DNAJC12: variants seen among roughly 807,000 people sequenced by gnomAD.
DNAJC12 encodes dnaJ homolog subfamily C member 12.
Under a neutral mutation model 28.5 loss-of-function variants are expected in DNAJC12, and 25 were observed. The observed-to-expected ratio is 0.88, with a 90% CI of 0.64 to 1.22. DNAJC12 has a LOEUF of 1.22. Ranked by LOEUF, DNAJC12 falls within the 50% of genes most tolerant of loss-of-function variation. The pLI is 0.00. For synonymous variants in DNAJC12, 77 were observed against 80.6 expected, an observed-to-expected ratio of 0.95 and a Z score of 0.24; for missense variants, 222 against 231.7, an observed-to-expected ratio of 0.96 and a Z score of 0.27.
chr10:67,837,422 CA>C (rs1412247106), intron 1 of DNAJC12, among the ~76,000 whole-genome samples: 2 of 152,106 alleles, frequency 1.3e-5, no homozygotes, highest in Admixed American at 1.3e-4. Context: ...GCCACCCTTT[CA>C]AGAAGTAATT....
chr10:67,826,477 T>C (rs1337052134), intron 1 of DNAJC12, among the ~76,000 whole-genome samples: 1 of 145,812 alleles, frequency 6.9e-6, no homozygotes, highest in Non-Finnish European at 1.5e-5. Context: ...CATATATATA[T>C]ATATAAGATG....
intron 2 of DNAJC12, among the ~76,000 whole-genome samples, chr10:67,812,561 A>G (rs1028739341): frequency 1.3e-5 from 2 of 152,102 alleles, no homozygotes; most frequent in African/African-American, 4.8e-5. Context: ...ATTTATATAC[A>G]GGCCGGGTGC....
At chr10:67,823,233 G>A in intron 2 of DNAJC12, 81 bp downstream of exon 2, 1 of 1,177,416 alleles carries the variant, frequency 8.5e-7, no homozygotes, top group African/African-American at 1.5e-5. Context: ...AGAAAATTGA[G>A]AAAATTAAGT....
chr10:67,804,287 C>T (rs539563090), intron 4 of DNAJC12, among the ~76,000 whole-genome samples: 11 of 152,250 alleles, frequency 7.2e-5, no homozygotes, highest in Non-Finnish European at 1.5e-4. Flanking sequence ...AGAGGTGAAC[C>T]GCTGTGCTAA....
chr10:67,820,757 G>C (rs1470743761), intron 2 of DNAJC12, among the ~76,000 whole-genome samples: 1 of 148,278 alleles, frequency 6.7e-6, no homozygotes, highest in African/African-American at 2.5e-5. Flanking sequence ...CAAGGGACAA[G>C]GAAAACATTT....
chr10:67,801,867 TTTTTG>T (rs1841749523), intron 4 of DNAJC12, among the ~76,000 whole-genome samples: 1 of 129,338 alleles, frequency 7.7e-6, no homozygotes, highest in African/African-American at 3.1e-5. Context: ...TTTTTTTTTT[TTTTTG>T]ACACGGAGAC....
chr10:67,830,107 A>G (rs1242995992), intron 1 of DNAJC12, among the ~76,000 whole-genome samples: 2 of 151,924 alleles, frequency 1.3e-5, no homozygotes, highest in Non-Finnish European at 2.9e-5. Context: ...TGAGGTCAGG[A>G]GTTCAAGAAC....
chr10:67,829,192 C>G (rs1165476260), intron 1 of DNAJC12, among the ~76,000 whole-genome samples: 1 of 152,144 alleles, frequency 6.6e-6, no homozygotes, highest in African/African-American at 2.4e-5. Flanking sequence ...AACAGACACA[C>G]AACTCTCCCT....
chr10:67,836,697 T>A (rs1014643303), intron 1 of DNAJC12, among the ~76,000 whole-genome samples: 12 of 152,104 alleles, frequency 7.9e-5, no homozygotes, highest in African/African-American at 2.7e-4. Flanking sequence ...GCAGTTTTTT[T>A]AATTTCAACG....
At chr10:67,823,264 T>C in intron 2 of DNAJC12, 50 bp downstream of exon 2, 2 of 1,486,036 alleles carry the variant, frequency 1.3e-6, no homozygotes, top group Non-Finnish European at 1.9e-6. Flanking sequence ...TGGCTTTTGG[T>C]TCTATATACT....
intron 2 of DNAJC12, among the ~76,000 whole-genome samples, chr10:67,821,777 C>T (rs1026558982): frequency 1.3e-5 from 2 of 152,098 alleles, no homozygotes; most frequent in African/African-American, 2.4e-5. Context: ...CAATGGCACC[C>T]AGCATGAAGC....
intron 2 of DNAJC12, among the ~76,000 whole-genome samples, chr10:67,815,278 G>C (rs534772411): frequency 3.5e-4 from 54 of 152,296 alleles, no homozygotes; most frequent in African/African-American, 1.3e-3. Context: ...GGAGGCCAAG[G>C]TGGGCGGATC....
intron 2 of DNAJC12, among the ~76,000 whole-genome samples, chr10:67,821,412 A>C (rs1841979998): frequency 6.6e-6 from 1 of 152,126 alleles, no homozygotes; most frequent in African/African-American, 2.4e-5. Context: ...GCTACTCGGG[A>C]GGCTGAGGCA....
chr10:67,831,124 G>A (rs1842089636), intron 1 of DNAJC12, among the ~76,000 whole-genome samples: 1 of 152,114 alleles, frequency 6.6e-6, no homozygotes, highest in South Asian at 2.1e-4. Flanking sequence ...GGAGGCAGAG[G>A]TTGCAGTGAG....
intron 4 of DNAJC12, 59 bp downstream of exon 4, chr10:67,805,524 T>C: frequency 6.6e-7 from 1 of 1,513,118 alleles, no homozygotes; most frequent in Middle Eastern, 1.8e-4. Context: ...AAATGCAATA[T>C]AAACAAAACT....
chr10:67,823,307 T>A lies in DNAJC12; in HGVS notation c.157+7A>T. On this transcript the variant is annotated splice_region_variant and intron_variant, in intron 2 of 4. Coordinates refer to ENST00000225171, the MANE Select transcript of DNAJC12 (RefSeq NM_021800.3). ...TTCTTGAGAAGTAGCCTTTATTAAG[T>A]TCTTACCAGCTTTGGGGTTTTCAGG... The A allele has an allele frequency of 6.2e-7, 1 of 1,613,450 alleles. No homozygotes were observed. Among genetic ancestry groups the A allele is most frequent in the Non-Finnish European group, 8.5e-7 (1 of 1,179,394 alleles).
rs577511924 is a variant in DNAJC12 at position 67,801,836 on chromosome 10, C to CTTTTTTTTTTTTTTTTTT, written c.502+3729_502+3746dup. Among the ~76,000 whole-genome samples the CTTTTTTTTTTTTTTTTTT allele has an allele frequency of 1.5e-4, 4 of 26,134 alleles. 1 individual carries two copies. Among genetic ancestry groups the CTTTTTTTTTTTTTTTTTT allele is most frequent in the African/African-American group, 5.3e-4 (4 of 7,590 alleles). 17.1% of individuals were successfully genotyped at this position (26,134 alleles called of 152,430 possible). A position where few individuals can be genotyped will look rare whatever the true frequency, so the allele number is the denominator to read the frequency against. On this transcript the variant is annotated intron_variant, in intron 4 of 4. Coordinates refer to ENST00000225171, the MANE Select transcript of DNAJC12 (RefSeq NM_021800.3). ...TGATTCCCATCCCCTCCACTTCATT[C>CTTTTTTTTTTTTTTTTTT]TTTTTTTTTTTTTTTTTTTTTTTTT...
At chr10:67,802,898 T>C (rs1473216102) in intron 4 of DNAJC12, among the ~76,000 whole-genome samples, 2 of 151,558 alleles carry the variant, frequency 1.3e-5, no homozygotes, top group African/African-American at 4.9e-5. Context: ...TCACCCAGGC[T>C]GGAGTACAGT....
intron 1 of DNAJC12, among the ~76,000 whole-genome samples, chr10:67,828,674 C>CTCTATA (rs748678411): frequency 1.3e-5 from 2 of 150,646 alleles, no homozygotes; most frequent in East Asian, 3.9e-4. Flanking sequence ...CTCTCTCTCT[C>CTCTATA]TATATATATA....
Sources: allele counts gnomAD v4.1 joint callset (sites outside exome capture counted in the v4.1 genomes callset), GRCh38; gene constraint gnomAD v4.1.1; transcripts MANE v1.5; gene names NCBI Gene and HGNC (gene_info 2026-07-23, HGNC 2026-07-21).